Variants in BCO1 observed in about 807,000 individuals in gnomAD.
BCO1 encodes the protein beta,beta-carotene 15,15'-dioxygenase.
In BCO1, 54 loss-of-function variants were observed where a neutral mutation model predicts 56.3. The observed-to-expected ratio is 0.96, with a 90% CI of 0.77 to 1.20. The LOEUF is 1.20. Ranked by LOEUF, BCO1 falls within the 50% of genes most tolerant of loss-of-function variation. The pLI is 0.00. For missense variants in BCO1, 801 were observed against 690.9 expected (o/e 1.16, Z -1.79); for synonymous variants, 318 against 266.1 (o/e 1.20, Z -1.90).
At chr16:81,285,261 T>C (rs1232489754) in intron 8 of BCO1, among the ~76,000 whole-genome samples, 1 of 152,254 alleles carries the variant, frequency 6.6e-6, no homozygotes, top group African/African-American at 2.4e-5. Flanking sequence ...GCAATTCTCT[T>C]TGATTTCTAT....
chr16:81,269,673 T>G (rs2151941602), intron 6 of BCO1, among the ~76,000 whole-genome samples: 1 of 152,334 alleles, frequency 6.6e-6, no homozygotes, highest in Non-Finnish European at 1.5e-5. Context: ...TTTGCCATGT[T>G]GGCCAGGCTA....
intron 5 of BCO1, among the ~76,000 whole-genome samples, chr16:81,267,532 G>C (rs1218178202): frequency 2.0e-5 from 3 of 152,206 alleles, no homozygotes; most frequent in Non-Finnish European, 4.4e-5. Flanking sequence ...AGAATTGCTT[G>C]AACCTGGGAG....
intron 6 of BCO1, 115 bp from the exon 7 acceptor site, chr16:81,270,044 G>T: frequency 7.5e-7 from 1 of 1,330,062 alleles, no homozygotes; most frequent in South Asian, 1.2e-5. Context: ...ATGCAGAATG[G>T]GGACATAGTC....
intron 7 of BCO1, among the ~76,000 whole-genome samples, chr16:81,279,763 T>C (rs757265568): frequency 6.6e-6 from 1 of 152,218 alleles, no homozygotes; most frequent in African/African-American, 2.4e-5. Flanking sequence ...GACAGTAAGA[T>C]ACTGAACACA....
At chr16:81,246,634 C>T (rs1483039729) in intron 2 of BCO1, among the ~76,000 whole-genome samples, 1 of 151,692 alleles carries the variant, frequency 6.6e-6, no homozygotes, top group African/African-American at 2.4e-5. Flanking sequence ...GCAGATCATT[C>T]AGGGTCGGGA....
At position 81,273,756 on chromosome 16, in the gene BCO1, A is replaced by G. The variant is rs553937833; in HGVS notation, c.1101+3340A>G. On this transcript the variant is annotated intron_variant, in intron 7 of 10. Coordinates refer to ENST00000258168, the MANE Select transcript of BCO1 (RefSeq NM_017429.3). The stretch of plus-strand genomic sequence containing the variant: ...CTGCACAGAGAAGACAAGCATGAGA[A>G]TAAAATAGTGGAAATAAAGCAGAGG... Among the ~76,000 whole-genome samples the G allele has an allele frequency of 3.3e-5, 5 of 152,336 alleles. No individual in the cohort carries two copies. The East Asian group carries it at 9.6e-4, about 29-fold the overall frequency.
Position 81,290,507 on chromosome 16 carries a change from C to G in BCO1, c.1574C>G (p.Thr525Arg). 1 of 1,614,098 alleles carries G rather than the reference C, an allele frequency of 6.2e-7. No homozygotes were observed. The highest frequency in any genetic ancestry group is 1.1e-5 in the South Asian group (1 of 91,086). The part of the protein sequence containing the change: ...GLFITDMDWD[T>R]KKQAASEEQR... ...TTCATTACAGACATGGACTGGGACA[C>G]AAAAAAGCAGGCCGCTTCTGAGGAA... The change falls in exon 11 of 11, where the codon ACA becomes AGA. Residue 525 changes from threonine to arginine, a missense_variant. Thr to Arg is a moderately conservative substitution (Grantham distance 71). Coordinates refer to ENST00000258168, the MANE Select transcript of BCO1 (RefSeq NM_017429.3).
intron 9 of BCO1, 85 bp from the exon 10 acceptor site, chr16:81,287,210 T>C: frequency 3.0e-6 from 3 of 1,010,662 alleles, no homozygotes; most frequent in Non-Finnish European, 4.8e-6. Flanking sequence ...ATCTCCTCTG[T>C]GTGGATCTTC....
intron 2 of BCO1, among the ~76,000 whole-genome samples, chr16:81,251,485 T>G (rs1266328536): frequency 6.6e-6 from 1 of 151,660 alleles, no homozygotes; most frequent in African/African-American, 2.4e-5. Context: ...ACTTGAGCCT[T>G]GGAGGCAGAG....
chr16:81,277,897 T>C (rs963373782), intron 7 of BCO1, among the ~76,000 whole-genome samples: 2 of 152,180 alleles, frequency 1.3e-5, no homozygotes, highest in African/African-American at 4.8e-5. Flanking sequence ...AGTTATAAGA[T>C]GTCTGTGCAG....
In BCO1 at chr16:81,251,851, C is replaced by T. The variant is rs138707650; in HGVS notation, c.193+6248C>T. On this transcript the variant is annotated intron_variant, in intron 2 of 10. Transcript: ENST00000258168. ...ATATATACCCACACACACACACACA[C>T]GCACACACACACACACACATATATG... 7.9e-3 allele frequency among the ~76,000 whole-genome samples: 1,130 copies of T among 142,358 alleles called. 6 individuals carry two copies. Among genetic ancestry groups the T allele is most frequent in the Non-Finnish European group, 0.012 (790 of 66,976 alleles). 93.4% of individuals were successfully genotyped at this position (142,358 alleles called of 152,430 possible). A position where few individuals can be genotyped will look rare whatever the true frequency, so the allele number is the denominator to read the frequency against.
intron 8 of BCO1, 32 bp from the exon 9 acceptor site, chr16:81,285,508 G>A (rs761925960): frequency 1.5e-5 from 23 of 1,506,942 alleles, no homozygotes; most frequent in Non-Finnish European, 2.0e-5. Flanking sequence ...CCCAATGATA[G>A]GGGCTTCATC....
In BCO1 at chr16:81,270,546, T is replaced by C; in HGVS notation, c.1101+130T>C. On this transcript the variant is annotated intron_variant, in intron 7 of 10. Transcript: ENST00000258168. ...TTCTTGAAAAAAAAAAAAGTTTTCA[T>C]TGTTTTTCCCAAAGTAGTACCGATT... 7.0e-6 allele frequency: 9 copies of C among 1,278,152 alleles called. No individual in the cohort carries two copies. In the South Asian group the frequency reaches 1.2e-4, roughly 17 times the overall value. 79.2% of individuals were successfully genotyped at this position (1,278,152 alleles called of 1,614,324 possible). A position where few individuals can be genotyped will look rare whatever the true frequency, so the allele number is the denominator to read the frequency against.
At chr16:81,286,377 A>G (rs1447806757) in intron 9 of BCO1, among the ~76,000 whole-genome samples, 1 of 152,088 alleles carries the variant, frequency 6.6e-6, no homozygotes, top group African/African-American at 2.4e-5. Context: ...TCCATACCCC[A>G]AGCCACTCTC....
chr16:81,258,673 T>A (rs1412540018), intron 2 of BCO1, among the ~76,000 whole-genome samples: 1 of 152,262 alleles, frequency 6.6e-6, no homozygotes, highest in African/African-American at 2.4e-5. Context: ...AGAATGTTTC[T>A]GAGCCTGAGT....
chr16:81,243,175 C>T (rs1326930675), intron 1 of BCO1, among the ~76,000 whole-genome samples: 1 of 152,098 alleles, frequency 6.6e-6, no homozygotes. Context: ...GGTTGCGCAA[C>T]ATTGTGAATA....
In BCO1 at chr16:81,238,898, C is replaced by T. The variant is rs370867212; in HGVS notation, c.-11C>T. 2 of 1,613,728 alleles carry T rather than the reference C, an allele frequency of 1.2e-6. No homozygotes were observed. Among genetic ancestry groups the T allele is most frequent in the African/African-American group, 2.7e-5 (2 of 74,900 alleles). Reference sequence around the variant, plus strand: ...TGCTGTTAAAATCGATCTCCCTCGGCACCCTGAGCAATGGATATAATATTT... The same window carrying T: ...TGCTGTTAAAATCGATCTCCCTCGGTACCCTGAGCAATGGATATAATATTT... On this transcript the variant is annotated 5_prime_UTR_variant, in exon 1 of 11. Coordinates refer to ENST00000258168, the MANE Select transcript of BCO1 (RefSeq NM_017429.3).
intron 9 of BCO1, 98 bp downstream of exon 9, chr16:81,285,732 A>T (rs1908143187): frequency 3.2e-6 from 3 of 925,312 alleles, no homozygotes; most frequent in Non-Finnish European, 5.3e-6. Context: ...AGAAAAGAGG[A>T]GGTCAGAAGG....
intron 7 of BCO1, among the ~76,000 whole-genome samples, chr16:81,279,268 G>A (rs1368042289): frequency 6.6e-6 from 1 of 152,176 alleles, no homozygotes; most frequent in Non-Finnish European, 1.5e-5. Flanking sequence ...GACAGAGCAA[G>A]ACCCTGTCCC....
Sources: gnomAD v4.1 joint callset for allele counts (sites outside exome capture counted in the v4.1 genomes callset) on GRCh38, gnomAD v4.1.1 for gene constraint, MANE v1.5 for transcripts, NCBI Gene and HGNC (gene_info 2026-07-23, HGNC 2026-07-21) for gene names.